The following PHACTR1 variants were observed in gnomAD, a reference collection of about 807,000 sequenced individuals.
PHACTR1 encodes RPEL repeat containing 1.
In PHACTR1, 16 loss-of-function variants were observed where a neutral mutation model predicts 69.2. The ratio of observed to expected loss-of-function variants is 0.23; its 90% CI spans 0.16 to 0.35. PHACTR1 has a LOEUF of 0.35. Ranked by LOEUF, PHACTR1 falls within the 10% of genes least tolerant of loss-of-function variation. PHACTR1 has a pLI of 1.00. For missense variants in PHACTR1, 510 were observed against 734.7 expected, an observed-to-expected ratio of 0.69 and a Z score of 3.54; for synonymous variants, 312 against 284.5, an observed-to-expected ratio of 1.10 and a Z score of -0.97.
At chr6:12,965,970 A>G (rs1258821413) in intron 4 of PHACTR1, among the ~76,000 whole-genome samples, 1 of 152,208 alleles carries the variant, frequency 6.6e-6, no homozygotes, top group East Asian at 1.9e-4. Flanking sequence ...TTCTAAAGAC[A>G]TTAAAGGGCC....
chr6:13,241,029 A>G (rs1390797153), intron 10 of PHACTR1, among the ~76,000 whole-genome samples: 1 of 152,106 alleles, frequency 6.6e-6, no homozygotes, highest in African/African-American at 2.4e-5. Flanking sequence ...TTTCTGGCAA[A>G]CCCACTGGAA....
At chr6:12,788,909 T>A (rs1202641247) in intron 4 of PHACTR1, among the ~76,000 whole-genome samples, 1 of 152,160 alleles carries the variant, frequency 6.6e-6, no homozygotes, top group African/African-American at 2.4e-5. Context: ...AGAGGAATAA[T>A]GTGAGTTAGA....
chr6:13,057,348 C>T (rs1806956444), intron 5 of PHACTR1, among the ~76,000 whole-genome samples: 1 of 152,146 alleles, frequency 6.6e-6, no homozygotes, highest in Non-Finnish European at 1.5e-5. Flanking sequence ...GAAAATCTTG[C>T]TCAGTCTATA....
intron 4 of PHACTR1, among the ~76,000 whole-genome samples, chr6:12,913,407 T>C (rs1382839378): frequency 6.6e-6 from 1 of 152,160 alleles, no homozygotes; most frequent in Non-Finnish European, 1.5e-5. Context: ...TGGGCAACCT[T>C]GAACTTGGTA....
At chr6:12,948,268 A>G (rs1562042536) in intron 4 of PHACTR1, among the ~76,000 whole-genome samples, 1 of 152,194 alleles carries the variant, frequency 6.6e-6, no homozygotes, top group African/African-American at 2.4e-5. Context: ...GGATTGTTTG[A>G]AACAATCATG....
At chr6:13,251,113 C>T (rs1455491499) in intron 10 of PHACTR1, among the ~76,000 whole-genome samples, 1 of 152,206 alleles carries the variant, frequency 6.6e-6, no homozygotes, top group South Asian at 2.1e-4. Flanking sequence ...CTGAGAAGGG[C>T]AGCTTTCAGG....
rs1052742745 is a variant in PHACTR1, at chr6:13,094,675, T to C, written c.415+41146T>C. Among the ~76,000 whole-genome samples the C allele has an allele frequency of 2.6e-5, 4 of 152,228 alleles. No homozygotes were observed. The East Asian group carries it at 7.7e-4, about 29-fold the overall frequency. On this transcript the variant is annotated intron_variant, in intron 5 of 14. Coordinates refer to ENST00000332995, the MANE Select transcript of PHACTR1 (RefSeq NM_030948.6). ...GGAACGAGGCTGAAGGCGACAGAGA[T>C]GGGAGCATAAAGTTGATAGGTGTGT...
At chr6:12,846,723 GT>G (rs1276326372) in intron 4 of PHACTR1, among the ~76,000 whole-genome samples, 3 of 144,972 alleles carry the variant, frequency 2.1e-5, no homozygotes, top group Admixed American at 7.0e-5. Flanking sequence ...TGCTTCTTTC[GT>G]CCTTTTTTTT....
At chr6:12,834,159 A>G (rs1018880038) in intron 4 of PHACTR1, among the ~76,000 whole-genome samples, 1 of 152,144 alleles carries the variant, frequency 6.6e-6, no homozygotes, top group Non-Finnish European at 1.5e-5. Flanking sequence ...AAGATATTTG[A>G]CAAGACTTTA....
intron 8 of PHACTR1, among the ~76,000 whole-genome samples, chr6:13,206,664 G>C (rs181842453): frequency 1.3e-5 from 2 of 152,066 alleles, no homozygotes; most frequent in Admixed American, 1.3e-4. Flanking sequence ...TTCCAGTTCC[G>C]GGTGGTGGCT....
chr6:12,830,692 C>A (rs918758206), intron 4 of PHACTR1, among the ~76,000 whole-genome samples: 6 of 151,968 alleles, frequency 3.9e-5, no homozygotes, highest in Admixed American at 1.3e-4. Context: ...CGGGTTCAAG[C>A]GATTCTCCTT....
At chr6:12,902,348 G>A (rs985158199) in intron 4 of PHACTR1, among the ~76,000 whole-genome samples, 5 of 152,114 alleles carry the variant, frequency 3.3e-5, no homozygotes, top group South Asian at 2.1e-4. Flanking sequence ...ACTTGAACTC[G>A]GGAGGCAGAA....
At chr6:12,834,232 A>G (rs979225801) in intron 4 of PHACTR1, among the ~76,000 whole-genome samples, 2 of 152,106 alleles carry the variant, frequency 1.3e-5, no homozygotes, top group African/African-American at 4.8e-5. Context: ...CTCAATAACT[A>G]TTTTTCAAAA....
At chr6:12,943,849 A>G (rs1333293011) in intron 4 of PHACTR1, among the ~76,000 whole-genome samples, 3 of 152,198 alleles carry the variant, frequency 2.0e-5, no homozygotes, top group Non-Finnish European at 2.9e-5. Flanking sequence ...AATTTATTTT[A>G]TATTTGAGAT....
At position 13,033,647 on chromosome 6, in the gene PHACTR1, G is replaced by A. The variant is rs374009744; in HGVS notation, c.251-19718G>A. On this transcript the variant is annotated intron_variant, in intron 4 of 14. Coordinates refer to ENST00000332995, the MANE Select transcript of PHACTR1 (RefSeq NM_030948.6). ...ACCAGAAAGGAAAATGCTATATACA[G>A]GATTGATTCAATCTGTCAGAATTTT... is the stretch of plus-strand genomic sequence containing the variant. Among the ~76,000 whole-genome samples the A allele has an allele frequency of 7.2e-5, 11 of 152,306 alleles. No individual in the cohort carries two copies. In the Middle Eastern group the frequency reaches 0.017, roughly 237 times the overall value.
In PHACTR1 at chr6:13,287,267, G is replaced by C. The variant is rs560153238; in HGVS notation, c.*189G>C. On this transcript the variant is annotated 3_prime_UTR_variant, in exon 15 of 15. Transcript: ENST00000332995. The stretch of plus-strand genomic sequence containing the variant: ...GAAAACGCAAAAGTGATGGCTCGGC[G>C]GTCCGAGCTGCTGGTCCCACTTCTG... 4 of 637,858 alleles carry C rather than the reference G, an allele frequency of 6.3e-6. No homozygotes were observed. The highest frequency in any genetic ancestry group is 2.6e-6 in the Non-Finnish European group (1 of 380,224). 39.5% of individuals were successfully genotyped at this position (637,858 alleles called of 1,614,324 possible).
intron 10 of PHACTR1, among the ~76,000 whole-genome samples, chr6:13,268,017 A>C (rs1230311327): frequency 6.6e-6 from 1 of 152,194 alleles, no homozygotes; most frequent in African/African-American, 2.4e-5. Flanking sequence ...CTGTAATCTC[A>C]GCACTCTGGG....
chr6:13,183,717 C>T (rs958166608), intron 7 of PHACTR1, among the ~76,000 whole-genome samples: 5 of 152,064 alleles, frequency 3.3e-5, no homozygotes, highest in Non-Finnish European at 7.4e-5. Context: ...GGAGTTACAC[C>T]CTCCCACCCC....
chr6:13,073,331 A>AT (rs10664160), intron 5 of PHACTR1, among the ~76,000 whole-genome samples: 1,909 of 65,454 alleles, frequency 0.029, 423 homozygotes, highest in African/African-American at 0.047. Context: ...CATTCCATGA[A>AT]TTTTTTTTTT....
Sources: gnomAD v4.1 joint callset for allele counts (sites outside exome capture counted in the v4.1 genomes callset) on GRCh38, gnomAD v4.1.1 for gene constraint, MANE v1.5 for transcripts, NCBI Gene and HGNC (gene_info 2026-07-23, HGNC 2026-07-21) for gene names.